PRKG1: variants seen among roughly 807,000 people sequenced by gnomAD.
PRKG1 encodes the protein cGMP-dependent protein kinase 1.
In PRKG1, 35 loss-of-function variants were observed where a neutral mutation model predicts 88.1. That is an observed-to-expected ratio of 0.40 (90% CI 0.30 to 0.53). The LOEUF (loss-of-function observed/expected upper bound fraction) is 0.53. Among genes scored for constraint, PRKG1 ranks in the 20% least tolerant of loss-of-function variants. The probability of loss-of-function intolerance (pLI) is 0.59; values close to 1 mark genes in which losing one functional copy is unlikely to be tolerated. For missense variants in PRKG1, 540 were observed against 839.8 expected, an observed-to-expected ratio of 0.64 and a Z score of 4.41; for synonymous variants, 303 against 292.5, an observed-to-expected ratio of 1.04 and a Z score of -0.37.
At chr10:51,222,187 G>A (rs1235474158) in intron 2 of PRKG1, among the ~76,000 whole-genome samples, 1 of 142,344 alleles carries the variant, frequency 7.0e-6, no homozygotes, top group African/African-American at 2.5e-5. Flanking sequence ...CGCCCAGCCT[G>A]TTTCATATTT....
intron 5 of PRKG1, among the ~76,000 whole-genome samples, chr10:52,017,873 C>A (rs1845081960): frequency 6.6e-6 from 1 of 152,150 alleles, no homozygotes; most frequent in Admixed American, 6.5e-5. Context: ...CAGAACTTCT[C>A]AGTTTTATAA....
At chr10:51,335,787 G>A (rs1202592780) in intron 2 of PRKG1, among the ~76,000 whole-genome samples, 1 of 152,188 alleles carries the variant, frequency 6.6e-6, no homozygotes, top group African/African-American at 2.4e-5. Flanking sequence ...ATAATTCAAT[G>A]TTTCAACAAA....
rs560142166 is a variant in PRKG1 at position 52,257,761 on chromosome 10, C to G, written c.1173+6095C>G. 6.5e-5 allele frequency among the ~76,000 whole-genome samples: 9 copies of G among 139,220 alleles called. 1 individual carries two copies. The highest frequency in any genetic ancestry group is 2.2e-4 in the African/African-American group (9 of 40,358). The allele number at this position is 139,220 out of a possible 152,430, so 91.3% of individuals were successfully genotyped here. A position where few individuals can be genotyped will look rare whatever the true frequency, so the allele number is the denominator to read the frequency against. ...TATTCTTCAAAAGAATAAAAACGGA[C>G]AAAAATTATTAACTCTAATAAATAG... On this transcript the variant is annotated intron_variant, in intron 10 of 17. Transcript: ENST00000373980.
At position 51,446,727 on chromosome 10, in the gene PRKG1, T is replaced by A. The variant is rs1294980613; in HGVS notation, c.479-20996T>A. On this transcript the variant is annotated intron_variant, in intron 2 of 17. Coordinates refer to ENST00000373980, the MANE Select transcript of PRKG1 (RefSeq NM_006258.4). ...GCTTTTCTAAAATATAGTTTTCTCATCACACACTTCCTCCATTTTGGCCTT... is the reference window on the plus strand; with the variant it reads ...GCTTTTCTAAAATATAGTTTTCTCAACACACACTTCCTCCATTTTGGCCTT... Among the ~76,000 whole-genome samples, 7 of 152,226 alleles carry A rather than the reference T, an allele frequency of 4.6e-5. No individual in the cohort carries two copies. The East Asian group carries it at 1.4e-3, about 29-fold the overall frequency.
intron 2 of PRKG1, among the ~76,000 whole-genome samples, chr10:51,445,206 G>A (rs142483056): frequency 5.2e-4 from 79 of 151,892 alleles, no homozygotes; most frequent in African/African-American, 1.8e-3. Context: ...ACAACATAAA[G>A]GAAACAAAGT....
intron 2 of PRKG1, among the ~76,000 whole-genome samples, chr10:51,263,862 C>T (rs1839776275): frequency 6.6e-6 from 1 of 152,184 alleles, no homozygotes. Context: ...AGGATATTAA[C>T]TGTTAAAATT....
chr10:51,672,849 G>A (rs759125275), intron 3 of PRKG1, among the ~76,000 whole-genome samples: 5 of 152,172 alleles, frequency 3.3e-5, no homozygotes, highest in East Asian at 1.9e-4. Context: ...GAGTCAAGAC[G>A]AAGCCAGCCA....
At chr10:51,836,582 A>AT (rs577237994) in intron 4 of PRKG1, among the ~76,000 whole-genome samples, 48 of 152,010 alleles carry the variant, frequency 3.2e-4, no homozygotes, top group Admixed American at 7.9e-4. Flanking sequence ...TATTGAGTGT[A>AT]TTTTTGCATA....
intron 2 of PRKG1, among the ~76,000 whole-genome samples, chr10:51,286,699 A>C (rs775997322): frequency 1.3e-5 from 2 of 152,218 alleles, no homozygotes; most frequent in Non-Finnish European, 2.9e-5. Context: ...TCCTGGGAAC[A>C]TTCAACATCC....
intron 7 of PRKG1, among the ~76,000 whole-genome samples, chr10:52,112,372 T>C (rs1847583834): frequency 6.6e-6 from 1 of 152,170 alleles, no homozygotes; most frequent in South Asian, 2.1e-4. Context: ...ATCTGTAGCA[T>C]ATACGTTAAT....
chr10:51,280,397 C>A (rs1037155255), intron 2 of PRKG1, among the ~76,000 whole-genome samples: 1 of 152,014 alleles, frequency 6.6e-6, no homozygotes, highest in African/African-American at 2.4e-5. Context: ...TCTGTATTTC[C>A]TGAATTTGAA....
At chr10:52,192,567 T>G (rs1211005148) in intron 9 of PRKG1, among the ~76,000 whole-genome samples, 1 of 152,142 alleles carries the variant, frequency 6.6e-6, no homozygotes, top group Non-Finnish European at 1.5e-5. Context: ...AGATTGATAT[T>G]CTCAATTTCC....
Position 51,438,642 on chromosome 10 carries a change from T to C in PRKG1, c.479-29081T>C, listed in dbSNP as rs145834023. On this transcript the variant is annotated intron_variant, in intron 2 of 17. Transcript: ENST00000373980. ...CATATCATGTCAAGGTTACATACTATCAATGATGATTTATCACTGGTGATA... is the reference window on the plus strand; with the variant it reads ...CATATCATGTCAAGGTTACATACTACCAATGATGATTTATCACTGGTGATA... Among the ~76,000 whole-genome samples the C allele has an allele frequency of 3.3e-5, 5 of 152,070 alleles. No individual in the cohort carries two copies. The East Asian group carries it at 9.7e-4, about 30-fold the overall frequency.
chr10:51,259,778 CA>C, intron 2 of PRKG1, among the ~76,000 whole-genome samples: 1 of 152,188 alleles, frequency 6.6e-6, no homozygotes, highest in Non-Finnish European at 1.5e-5. Flanking sequence ...GCCTGGCCCT[CA>C]TCCCTTTTTT....
chr10:51,819,628 T>G (rs539621448), intron 4 of PRKG1, among the ~76,000 whole-genome samples: 2 of 152,228 alleles, frequency 1.3e-5, no homozygotes, highest in South Asian at 2.1e-4. Flanking sequence ...TAAATGGAGA[T>G]AGTGTTTGCA....
At chr10:52,168,967 C>G (rs760289886) in intron 9 of PRKG1, among the ~76,000 whole-genome samples, 1 of 152,080 alleles carries the variant, frequency 6.6e-6, no homozygotes, top group South Asian at 2.1e-4. Context: ...GTCTGGTGCT[C>G]AGACAGAAGA....
At chr10:51,766,494 C>T (rs564375232) in intron 3 of PRKG1, among the ~76,000 whole-genome samples, 1 of 152,256 alleles carries the variant, frequency 6.6e-6, no homozygotes, top group Admixed American at 6.5e-5. Context: ...AACCATGCCC[C>T]ACACCATGCA....
intron 4 of PRKG1, among the ~76,000 whole-genome samples, chr10:51,883,349 T>C (rs535911932): frequency 1.1e-4 from 17 of 152,250 alleles, no homozygotes; most frequent in Non-Finnish European, 2.1e-4. Flanking sequence ...TCTCTCTCTC[T>C]GTCTTTGTCT....
chr10:51,400,786 T>C (rs1178674689), intron 2 of PRKG1, among the ~76,000 whole-genome samples: 3 of 152,198 alleles, frequency 2.0e-5, no homozygotes, highest in Non-Finnish European at 4.4e-5. Context: ...CAACAGCGTG[T>C]ATTAGGAGAA....
Sources: gnomAD v4.1 joint callset for allele counts (sites outside exome capture counted in the v4.1 genomes callset) on GRCh38, gnomAD v4.1.1 for gene constraint, MANE v1.5 for transcripts, NCBI Gene and HGNC (gene_info 2026-07-23, HGNC 2026-07-21) for gene names.